Variants in WWOX observed in about 807,000 individuals in gnomAD.
The protein encoded by WWOX is WW domain containing oxidoreductase, also known as WW domain-containing oxidoreductase.
In WWOX, 69 loss-of-function variants were observed where a neutral mutation model predicts 46.2. The ratio of observed to expected loss-of-function variants is 1.49; its 90% CI spans 1.23 to 1.82. The LOEUF is 1.82. Ranked by LOEUF, WWOX falls within the 40% of genes most tolerant of loss-of-function variation. WWOX has a pLI of 0.00. For missense variants in WWOX, 919 were observed against 542.6 expected (o/e 1.69, Z -6.89); for synonymous variants, 359 against 202.6 (o/e 1.77, Z -6.56).
At chr16:78,572,138 T>C (rs1421675377) in intron 8 of WWOX, among the ~76,000 whole-genome samples, 1 of 152,184 alleles carries the variant, frequency 6.6e-6, no homozygotes, top group East Asian at 1.9e-4. Context: ...TTCTGGTGCA[T>C]AATTTGTGAT....
intron 4 of WWOX, among the ~76,000 whole-genome samples, chr16:78,121,992 G>A (rs1315263703): frequency 6.6e-6 from 1 of 152,148 alleles, no homozygotes; most frequent in Non-Finnish European, 1.5e-5. Flanking sequence ...TCAGTTACCT[G>A]AGGTCAACAG....
At chr16:78,557,443 T>G (rs1162952481) in intron 8 of WWOX, among the ~76,000 whole-genome samples, 1 of 152,078 alleles carries the variant, frequency 6.6e-6, no homozygotes, top group African/African-American at 2.4e-5. Flanking sequence ...ATTCTAGGTG[T>G]TGGGGATACA....
chr16:79,038,285 A>C (rs1432782094), intron 8 of WWOX, among the ~76,000 whole-genome samples: 1 of 152,210 alleles, frequency 6.6e-6, no homozygotes, highest in Admixed American at 6.5e-5. Context: ...AAGATAAAAT[A>C]CATAAAAGGG....
intron 4 of WWOX, among the ~76,000 whole-genome samples, chr16:78,154,603 C>T (rs1217973872): frequency 6.9e-6 from 1 of 144,854 alleles, no homozygotes; most frequent in East Asian, 2.1e-4. Context: ...CACTCAGTGA[C>T]ATTTGTGAAA....
At chr16:78,412,580 G>A (rs1182564387) in intron 6 of WWOX, among the ~76,000 whole-genome samples, 1 of 152,178 alleles carries the variant, frequency 6.6e-6, no homozygotes, top group Non-Finnish European at 1.5e-5. Context: ...GAGTGGTAGT[G>A]GCATTGGGAG....
chr16:78,333,665 C>G lies in WWOX; in HGVS notation c.517-53195C>G, dbSNP rs116900732. 2.7e-4 allele frequency among the ~76,000 whole-genome samples: 41 copies of G among 152,244 alleles called. 1 individual carries two copies. In the East Asian group the frequency reaches 5.4e-3, roughly 20 times the overall value. On this transcript the variant is annotated intron_variant, in intron 5 of 8. Transcript: ENST00000566780. ...CTTCATTAAGTCTCCAGAATACATA[C>G]TTCATAAGCAGGAGGCATATATGTT...
intron 8 of WWOX, among the ~76,000 whole-genome samples, chr16:78,659,601 T>C (rs1360068925): frequency 6.6e-6 from 1 of 152,172 alleles, no homozygotes; most frequent in Non-Finnish European, 1.5e-5. Flanking sequence ...CAAAGTGCAC[T>C]TGCTTTGCAA....
intron 8 of WWOX, among the ~76,000 whole-genome samples, chr16:78,563,443 G>T (rs2044486358): frequency 6.6e-6 from 1 of 150,468 alleles, no homozygotes; most frequent in Non-Finnish European, 1.5e-5. Context: ...GTAGGAGGGA[G>T]AATCCAAAGA....
At chr16:78,497,773 C>A (rs1395043758) in intron 8 of WWOX, among the ~76,000 whole-genome samples, 1 of 151,802 alleles carries the variant, frequency 6.6e-6, no homozygotes, top group Admixed American at 6.6e-5. Flanking sequence ...GAGATGTCAC[C>A]CTTAGCTGTT....
At chr16:78,296,646 A>C (rs2079948106) in intron 5 of WWOX, among the ~76,000 whole-genome samples, 1 of 152,018 alleles carries the variant, frequency 6.6e-6, no homozygotes, top group Non-Finnish European at 1.5e-5. Flanking sequence ...TGTAATGCAA[A>C]AAAATAAAAA....
At chr16:79,090,724 C>T (rs1330040724) in intron 8 of WWOX, among the ~76,000 whole-genome samples, 4 of 152,130 alleles carry the variant, frequency 2.6e-5, no homozygotes, top group African/African-American at 9.7e-5. Flanking sequence ...CTCGGCGGGG[C>T]CCAGGCATGC....
chr16:78,920,122 C>T (rs930307546), intron 8 of WWOX, among the ~76,000 whole-genome samples: 6 of 152,220 alleles, frequency 3.9e-5, no homozygotes, highest in South Asian at 2.1e-4. Flanking sequence ...ACTGTAGGGC[C>T]GTCAAGAGCT....
chr16:78,430,431 AATTCAGTGG>A (rs369175664), intron 7 of WWOX, among the ~76,000 whole-genome samples: 1 of 152,266 alleles, frequency 6.6e-6, no homozygotes, highest in African/African-American at 2.4e-5. Context: ...CCCACCTGGA[AATTCAGTGG>A]ATGTTTCTAG....
At chr16:78,818,704 G>C (rs935899935) in intron 8 of WWOX, among the ~76,000 whole-genome samples, 1 of 152,186 alleles carries the variant, frequency 6.6e-6, no homozygotes, top group Non-Finnish European at 1.5e-5. Flanking sequence ...CTATAGCCTG[G>C]GCAGTTTTGA....
At chr16:78,509,769 A>G (rs1037296753) in intron 8 of WWOX, among the ~76,000 whole-genome samples, 1 of 152,178 alleles carries the variant, frequency 6.6e-6, no homozygotes, top group African/African-American at 2.4e-5. Context: ...ATTGAAGCGT[A>G]CAGTGCCTAT....
chr16:79,047,134 A>G (rs1174800115), intron 8 of WWOX, among the ~76,000 whole-genome samples: 1 of 152,148 alleles, frequency 6.6e-6, no homozygotes, highest in Non-Finnish European at 1.5e-5. Flanking sequence ...TCATTCATTC[A>G]TTCATTTATT....
chr16:79,006,294 G>T (rs1015005519), intron 8 of WWOX, among the ~76,000 whole-genome samples: 1 of 152,110 alleles, frequency 6.6e-6, no homozygotes, highest in East Asian at 1.9e-4. Context: ...GATGTGAAGC[G>T]CGGGAAGTCC....
At chr16:79,122,069 G>A (rs1049639721) in intron 8 of WWOX, among the ~76,000 whole-genome samples, 1 of 152,174 alleles carries the variant, frequency 6.6e-6, no homozygotes, top group Admixed American at 6.5e-5. Flanking sequence ...CACGCATGTA[G>A]GGTGTGAGGG....
At chr16:78,901,726 C>T (rs548557532) in intron 8 of WWOX, among the ~76,000 whole-genome samples, 140 of 152,288 alleles carry the variant, frequency 9.2e-4, no homozygotes, top group African/African-American at 3.0e-3. Flanking sequence ...TGTGCTTAAG[C>T]GATCCACCTG....
Sources: gnomAD v4.1 joint callset for allele counts (sites outside exome capture counted in the v4.1 genomes callset) on GRCh38, gnomAD v4.1.1 for gene constraint, MANE v1.5 for transcripts, NCBI Gene and HGNC (gene_info 2026-07-23, HGNC 2026-07-21) for gene names.